Variants in AFF3 observed in about 807,000 individuals in gnomAD.
AFF3 encodes ALF transcription elongation factor 3.
In AFF3, 32 loss-of-function variants were observed where a neutral mutation model predicts 129.7. The observed-to-expected ratio is 0.25, with a 90% CI of 0.19 to 0.33. AFF3 has a LOEUF of 0.33. AFF3 is among the 10% of genes least tolerant of loss of function. The pLI is 1.00. For missense variants in AFF3, 1,373 were observed against 1,592.0 expected, an observed-to-expected ratio of 0.86 and a Z score of 2.34; for synonymous variants, 644 against 635.4, an observed-to-expected ratio of 1.01 and a Z score of -0.20.
intron 8 of AFF3, among the ~76,000 whole-genome samples, chr2:99,757,606 T>C (rs1682229432): frequency 6.6e-6 from 1 of 152,218 alleles, no homozygotes; most frequent in Admixed American, 6.5e-5. Context: ...AAAGGTTAAG[T>C]GATTTGCTGA....
chr2:99,799,835 G>C (rs1228696413), intron 8 of AFF3, among the ~76,000 whole-genome samples: 3 of 152,066 alleles, frequency 2.0e-5, no homozygotes, highest in African/African-American at 7.2e-5. Context: ...AAAGTGCAAA[G>C]GCAATTAAGT....
At chr2:99,620,216 G>A (rs906445636) in intron 13 of AFF3, among the ~76,000 whole-genome samples, 12 of 152,226 alleles carry the variant, frequency 7.9e-5, no homozygotes, top group African/African-American at 2.9e-4. Context: ...TCTAGTCACA[G>A]CTGTGCTGAT....
intron 2 of AFF3, among the ~76,000 whole-genome samples, chr2:100,124,676 G>A (rs1692114019): frequency 6.6e-6 from 1 of 150,900 alleles, no homozygotes; most frequent in Non-Finnish European, 1.5e-5. Context: ...GGGAGATGGG[G>A]GGGTGTATCA....
intron 13 of AFF3, among the ~76,000 whole-genome samples, chr2:99,649,317 T>C (rs942807523): frequency 2.0e-5 from 3 of 152,122 alleles, no homozygotes; most frequent in Non-Finnish European, 4.4e-5. Context: ...TGCTGAAAAA[T>C]GAGCTTAGAT....
chr2:99,637,642 T>G (rs1161167531), intron 13 of AFF3, among the ~76,000 whole-genome samples: 2 of 152,150 alleles, frequency 1.3e-5, no homozygotes, highest in Admixed American at 1.3e-4. Flanking sequence ...AGACAGCAAG[T>G]GCTTAATTTA....
intron 4 of AFF3, among the ~76,000 whole-genome samples, chr2:100,053,979 A>G (rs767163203): frequency 3.9e-5 from 6 of 152,114 alleles, no homozygotes; most frequent in Admixed American, 3.3e-4. Context: ...CACACCCCCA[A>G]TGGCTGCAGT....
intron 7 of AFF3, among the ~76,000 whole-genome samples, chr2:99,905,069 C>T (rs1361994262): frequency 6.6e-6 from 1 of 152,164 alleles, no homozygotes; most frequent in African/African-American, 2.4e-5. Context: ...TCCAGCTTTT[C>T]CTCCTCCTGC....
intron 7 of AFF3, among the ~76,000 whole-genome samples, chr2:99,928,309 G>T (rs983734441): frequency 2.0e-5 from 3 of 152,136 alleles, no homozygotes; most frequent in African/African-American, 7.2e-5. Context: ...AACGCAGCAG[G>T]TAAATGGCAT....
intron 2 of AFF3, among the ~76,000 whole-genome samples, chr2:100,108,687 T>G (rs1428256254): frequency 6.6e-6 from 1 of 152,162 alleles, no homozygotes; most frequent in Non-Finnish European, 1.5e-5. Context: ...GGTCGAGGGC[T>G]GAGAACTGTT....
chr2:99,991,920 CA>C (rs1243422138), intron 7 of AFF3, among the ~76,000 whole-genome samples: 1 of 144,166 alleles, frequency 6.9e-6, no homozygotes, highest in Non-Finnish European at 1.5e-5. Flanking sequence ...AAAACAAAAA[CA>C]AAAAAACCCA....
At chr2:99,635,723 C>T (rs1683588319) in intron 13 of AFF3, among the ~76,000 whole-genome samples, 1 of 152,164 alleles carries the variant, frequency 6.6e-6, no homozygotes, top group Admixed American at 6.5e-5. Context: ...TGGCTCTACC[C>T]CCTACTGTGT....
At chr2:99,671,403 A>G (rs756593680) in intron 12 of AFF3, among the ~76,000 whole-genome samples, 1 of 152,136 alleles carries the variant, frequency 6.6e-6, no homozygotes, top group Non-Finnish European at 1.5e-5. Context: ...TCCACCTGCC[A>G]ATCTGGTTTC....
chr2:99,868,581 T>C (rs1355119447), intron 7 of AFF3, among the ~76,000 whole-genome samples: 1 of 152,120 alleles, frequency 6.6e-6, no homozygotes, highest in African/African-American at 2.4e-5. Flanking sequence ...CAATGAGGCC[T>C]GGAGGAAGAG....
At chr2:99,740,929 T>C (rs889029286) in intron 10 of AFF3, among the ~76,000 whole-genome samples, 2 of 152,186 alleles carry the variant, frequency 1.3e-5, no homozygotes, top group African/African-American at 4.8e-5. Flanking sequence ...GTTTTTATGG[T>C]TTTAGGTCTA....
chr2:99,809,713 A>C (rs902933827), intron 8 of AFF3, among the ~76,000 whole-genome samples: 5 of 152,196 alleles, frequency 3.3e-5, no homozygotes, highest in African/African-American at 1.2e-4. Flanking sequence ...ACAAATAAAA[A>C]ACAAGAAACC....
intron 8 of AFF3, among the ~76,000 whole-genome samples, chr2:99,778,473 C>G (rs894861059): frequency 1.3e-5 from 2 of 152,208 alleles, no homozygotes; most frequent in Non-Finnish European, 2.9e-5. Context: ...CCACCCAACT[C>G]CCACCATAAC....
At chr2:99,819,879 C>G (rs1687517445) in intron 8 of AFF3, among the ~76,000 whole-genome samples, 1 of 152,194 alleles carries the variant, frequency 6.6e-6, no homozygotes, top group African/African-American at 2.4e-5. Flanking sequence ...CTTCCCCCTC[C>G]TGGGGAAGAG....
chr2:99,974,516 C>G (rs1239407522), intron 7 of AFF3, among the ~76,000 whole-genome samples: 1 of 152,212 alleles, frequency 6.6e-6, no homozygotes, highest in Non-Finnish European at 1.5e-5. Flanking sequence ...CCACTAAAAG[C>G]ATGAGTAATC....
intron 13 of AFF3, among the ~76,000 whole-genome samples, chr2:99,641,649 G>T (rs1324423690): frequency 1.3e-5 from 2 of 152,152 alleles, no homozygotes; most frequent in African/African-American, 4.8e-5. Context: ...CTGTACTCCA[G>T]CCTGGGCAAC....
Sources: gnomAD v4.1 joint callset for allele counts (sites outside exome capture counted in the v4.1 genomes callset) on GRCh38, gnomAD v4.1.1 for gene constraint, MANE v1.5 for transcripts, NCBI Gene and HGNC (gene_info 2026-07-23, HGNC 2026-07-21) for gene names.